The following TBC1D22A variants were observed in gnomAD, a reference collection of about 807,000 sequenced individuals.
TBC1D22A encodes the protein TBC1 domain family member 22A.
In TBC1D22A, 38 loss-of-function variants were observed where a neutral mutation model predicts 60.2. The observed-to-expected ratio is 0.63, with a 90% CI of 0.49 to 0.83. The LOEUF is 0.83. TBC1D22A is among the 40% of genes least tolerant of loss of function. The pLI is 0.00. For missense variants in TBC1D22A, 628 were observed against 701.0 expected (o/e 0.90, Z 1.18); for synonymous variants, 302 against 281.7 (o/e 1.07, Z -0.72).
intron 12 of TBC1D22A, among the ~76,000 whole-genome samples, chr22:47,142,923 T>C (rs1354554490): frequency 7.9e-6 from 1 of 126,812 alleles, no homozygotes; most frequent in Admixed American, 9.0e-5. Flanking sequence ...TTTGGACACA[T>C]ACTCTGTTGC....
chr22:46,946,729 G>A (rs2147982698), intron 8 of TBC1D22A, among the ~76,000 whole-genome samples: 1 of 152,324 alleles, frequency 6.6e-6, no homozygotes, highest in Admixed American at 6.5e-5. Flanking sequence ...CTCAGCTGCT[G>A]TTGCAGCAAG....
At position 46,918,884 on chromosome 22, in the gene TBC1D22A, C is replaced by T. The variant is rs73480707; in HGVS notation, c.1015+6696C>T. 7.6e-3 allele frequency among the ~76,000 whole-genome samples: 1,161 copies of T among 152,160 alleles called. 7 individuals are homozygous for T. The highest frequency in any genetic ancestry group is 0.027 in the African/African-American group (1,104 of 41,486). On this transcript the variant is annotated intron_variant, in intron 8 of 12. Coordinates refer to ENST00000337137, the MANE Select transcript of TBC1D22A (RefSeq NM_014346.5). ...AGTCAACAAAATTGTCCGAAGAACCCGCGTGCCCGTCATCTGACTCCAGCA... is the reference window on the plus strand; with the variant it reads ...AGTCAACAAAATTGTCCGAAGAACCTGCGTGCCCGTCATCTGACTCCAGCA...
chr22:47,173,661 G>A lies in TBC1D22A; in HGVS notation c.*35G>A, dbSNP rs374157674. ...CACCCGCAGCTGGCCTCACTGTCCC[G>A]GGTGGCGCGCCCCACCTGCCTGGCT... is the stretch of plus-strand genomic sequence containing the variant. On this transcript the variant is annotated 3_prime_UTR_variant, in exon 13 of 13. Transcript: ENST00000337137. 125 of 1,610,208 alleles carry A rather than the reference G, an allele frequency of 7.8e-5. No homozygotes were observed. The East Asian group carries it at 2.1e-3, about 26-fold the overall frequency.
intron 4 of TBC1D22A, among the ~76,000 whole-genome samples, chr22:46,808,077 G>T (rs1323234121): frequency 6.6e-6 from 1 of 152,250 alleles, no homozygotes; most frequent in Non-Finnish European, 1.5e-5. Flanking sequence ...GCAGTAAGGG[G>T]CTGGGCACGG....
At chr22:46,993,236 C>T (rs1156454341) in intron 9 of TBC1D22A, among the ~76,000 whole-genome samples, 3 of 152,128 alleles carry the variant, frequency 2.0e-5, no homozygotes, top group Non-Finnish European at 4.4e-5. Context: ...TATTTGTTAT[C>T]GGGAAGAGTG....
intron 10 of TBC1D22A, among the ~76,000 whole-genome samples, chr22:47,005,342 C>G (rs1298672637): frequency 6.6e-6 from 1 of 151,378 alleles, no homozygotes; most frequent in Non-Finnish European, 1.5e-5. Context: ...CACCTACACC[C>G]CTCATATATA....
chr22:47,066,377 A>G (rs1471683303), intron 11 of TBC1D22A, among the ~76,000 whole-genome samples: 2 of 147,340 alleles, frequency 1.4e-5, no homozygotes, highest in African/African-American at 5.0e-5. Context: ...GCGGGACTAG[A>G]GGGCACATGA....
chr22:46,827,157 T>G (rs1317714359), intron 4 of TBC1D22A, among the ~76,000 whole-genome samples: 9 of 152,326 alleles, frequency 5.9e-5, no homozygotes, highest in African/African-American at 1.9e-4. Context: ...ATAATCTGTG[T>G]CCTCAGGTGA....
intron 5 of TBC1D22A, among the ~76,000 whole-genome samples, chr22:46,885,908 ATTTT>A (rs60941179): frequency 7.2e-6 from 1 of 138,852 alleles, no homozygotes; most frequent in Admixed American, 7.1e-5. Context: ...TACTGTTAGA[ATTTT>A]TTTTTTTTTT....
intron 8 of TBC1D22A, among the ~76,000 whole-genome samples, chr22:46,936,754 A>ATT (rs1377206081): frequency 2.6e-5 from 4 of 152,346 alleles, no homozygotes; most frequent in African/African-American, 9.6e-5. Context: ...ATTCTTGAGT[A>ATT]TTTACCAGGC....
At chr22:47,103,511 G>C (rs1383174421) in intron 11 of TBC1D22A, among the ~76,000 whole-genome samples, 2 of 152,182 alleles carry the variant, frequency 1.3e-5, no homozygotes, top group Non-Finnish European at 2.9e-5. Context: ...TGTCCGGTCT[G>C]CTCTGCCTCA....
At chr22:46,877,468 A>T (rs534734869) in intron 4 of TBC1D22A, among the ~76,000 whole-genome samples, 1 of 152,350 alleles carries the variant, frequency 6.6e-6, no homozygotes, top group South Asian at 2.1e-4. Flanking sequence ...ATGGTCGGTA[A>T]ACATTACATT....
At chr22:46,817,864 A>T (rs1011856401) in intron 4 of TBC1D22A, among the ~76,000 whole-genome samples, 1 of 152,210 alleles carries the variant, frequency 6.6e-6, no homozygotes, top group Non-Finnish European at 1.5e-5. Flanking sequence ...ACTAATTTAC[A>T]TTCCCACCAG....
intron 12 of TBC1D22A, among the ~76,000 whole-genome samples, chr22:47,154,976 T>A (rs934508551): frequency 1.3e-5 from 2 of 152,098 alleles, no homozygotes; most frequent in Non-Finnish European, 2.9e-5. Context: ...TTGAGCGGCA[T>A]CTCCAGGGAT....
Position 46,800,748 on chromosome 22 carries a change from C to T in TBC1D22A, c.637+3128C>T, listed in dbSNP as rs182247855. 2.3e-3 allele frequency among the ~76,000 whole-genome samples: 350 copies of T among 152,330 alleles called. 5 individuals carry two copies. Among genetic ancestry groups the T allele is most frequent in the African/African-American group, 7.9e-3 (330 of 41,580 alleles). On this transcript the variant is annotated intron_variant, in intron 4 of 12. Coordinates refer to ENST00000337137, the MANE Select transcript of TBC1D22A (RefSeq NM_014346.5). ...TTAGTTATTTTTATGGTTGTTGTTA[C>T]GTTCATTTGAACTGGCCTTTTTATC...
At chr22:46,985,000 C>G (rs929351508) in intron 9 of TBC1D22A, among the ~76,000 whole-genome samples, 1 of 152,110 alleles carries the variant, frequency 6.6e-6, no homozygotes, top group Non-Finnish European at 1.5e-5. Context: ...CCAGAGGGGG[C>G]CAGCCAAAGG....
intron 3 of TBC1D22A, 71 bp downstream of exon 3, chr22:46,793,912 CTG>C (rs1251354328): frequency 1.5e-6 from 2 of 1,379,118 alleles, no homozygotes; most frequent in Non-Finnish European, 9.7e-7. Context: ...AACACACTCA[CTG>C]TGGGAGAATC....
At chr22:47,101,228 A>T (rs1327611227) in intron 11 of TBC1D22A, among the ~76,000 whole-genome samples, 1 of 152,218 alleles carries the variant, frequency 6.6e-6, no homozygotes, top group Non-Finnish European at 1.5e-5. Flanking sequence ...GGAATCCTAA[A>T]ATATTCCTGA....
At chr22:47,035,386 C>A (rs1319710068) in intron 10 of TBC1D22A, among the ~76,000 whole-genome samples, 1 of 152,172 alleles carries the variant, frequency 6.6e-6, no homozygotes, top group Non-Finnish European at 1.5e-5. Flanking sequence ...GCAAGGCTGT[C>A]CAGCCTCCCT....
Sources: allele counts gnomAD v4.1 joint callset (sites outside exome capture counted in the v4.1 genomes callset), GRCh38; gene constraint gnomAD v4.1.1; transcripts MANE v1.5; gene names NCBI Gene and HGNC (gene_info 2026-07-23, HGNC 2026-07-21).